The following LHFPL6 variants were observed in gnomAD, a reference collection of about 807,000 sequenced individuals.
LHFPL6 encodes LHFPL tetraspan subfamily member 6 protein.
Under a neutral mutation model 20.6 loss-of-function variants are expected in LHFPL6, and 9 were observed. The observed-to-expected ratio is 0.44, with a 90% CI of 0.26 to 0.76. The LOEUF (loss-of-function observed/expected upper bound fraction) is 0.76, where lower values mean the gene tolerates loss of function less well. LHFPL6 is among the 30% of genes least tolerant of loss of function. The pLI is 0.20. For synonymous variants in LHFPL6, 105 were observed against 98.7 expected (o/e 1.06, Z -0.38); for missense variants, 218 against 253.5 (o/e 0.86, Z 0.95).
rs556895748 is a variant in LHFPL6, at chr13:39,584,401, C to T, written c.385+16431G>A. Among the ~76,000 whole-genome samples the T allele has an allele frequency of 4.0e-5, 6 of 151,890 alleles. No individual in the cohort carries two copies. The South Asian group carries it at 1.3e-3, about 32-fold the overall frequency. ...AATTAGCTGGGCGTGGTGGCACATG[C>T]CTGTAATCCCAGCTACTCAGGAGGC... is the stretch of plus-strand genomic sequence containing the variant. On this transcript the variant is annotated intron_variant, in intron 2 of 3. Coordinates refer to ENST00000379589, the MANE Select transcript of LHFPL6 (RefSeq NM_005780.3).
chr13:39,547,301 G>C (rs1441364750), intron 2 of LHFPL6, among the ~76,000 whole-genome samples: 1 of 152,078 alleles, frequency 6.6e-6, no homozygotes, highest in Non-Finnish European at 1.5e-5. Flanking sequence ...CTGGTTGCCT[G>C]CTTCCTTATG....
intron 2 of LHFPL6, among the ~76,000 whole-genome samples, chr13:39,458,404 G>A (rs1443437089): frequency 6.6e-6 from 1 of 152,070 alleles, no homozygotes; most frequent in Non-Finnish European, 1.5e-5. Flanking sequence ...TGAGGTCAAT[G>A]AAAGCAAGCA....
chr13:39,463,445 T>C lies in LHFPL6; in HGVS notation c.386-84919A>G, dbSNP rs146932805. Among the ~76,000 whole-genome samples the C allele has an allele frequency of 4.1e-4, 63 of 152,356 alleles. No individual in the cohort carries two copies. The East Asian group carries it at 6.4e-3, about 15-fold the overall frequency. On this transcript the variant is annotated intron_variant, in intron 2 of 3. Transcript: ENST00000379589. ...CAGTGGTAGTCTTAGAAGAATAATA[T>C]TGATTATAAAACTATTCAGCATAAC...
intron 2 of LHFPL6, among the ~76,000 whole-genome samples, chr13:39,505,002 A>G (rs1927195): frequency 0.97 from 148,134 of 152,308 alleles, 72,162 homozygotes; most frequent in East Asian, 1. Flanking sequence ...TTTTTCCATC[A>G]ACTAGGAAAG....
chr13:39,553,136 T>C (rs1871191128), intron 2 of LHFPL6, among the ~76,000 whole-genome samples: 1 of 152,204 alleles, frequency 6.6e-6, no homozygotes, highest in Non-Finnish European at 1.5e-5. Context: ...ACATTTAAGC[T>C]AATATTAGAA....
At chr13:39,346,628 T>C (rs1458997962) in intron 3 of LHFPL6, among the ~76,000 whole-genome samples, 1 of 152,122 alleles carries the variant, frequency 6.6e-6, no homozygotes, top group East Asian at 1.9e-4. Flanking sequence ...AAACGCCCGA[T>C]CATCCCCCAG....
At chr13:39,430,445 T>G (rs868799280) in intron 2 of LHFPL6, among the ~76,000 whole-genome samples, 9 of 152,224 alleles carry the variant, frequency 5.9e-5, no homozygotes, top group Admixed American at 3.9e-4. Flanking sequence ...CTACTTCCTT[T>G]ACTCCTCACA....
intron 2 of LHFPL6, among the ~76,000 whole-genome samples, chr13:39,443,155 C>T (rs1195679997): frequency 9.2e-5 from 14 of 152,128 alleles, no homozygotes; most frequent in Admixed American, 6.5e-4. Context: ...AGCTAATTAA[C>T]ATGGGCATTG....
At chr13:39,465,401 A>G (rs751578280) in intron 2 of LHFPL6, among the ~76,000 whole-genome samples, 41 of 152,054 alleles carry the variant, frequency 2.7e-4, no homozygotes, top group Non-Finnish European at 7.4e-5. Flanking sequence ...TGTCTCTGTG[A>G]CCTCCAAATA....
chr13:39,506,736 G>A (rs1228823212), intron 2 of LHFPL6, among the ~76,000 whole-genome samples: 1 of 152,084 alleles, frequency 6.6e-6, no homozygotes, highest in Non-Finnish European at 1.5e-5. Flanking sequence ...GGGGGAAGGT[G>A]TGGAAAAATA....
At position 39,584,482 on chromosome 13, in the gene LHFPL6, G is replaced by A. The variant is rs189219636; in HGVS notation, c.385+16350C>T. Reference sequence around the variant, plus strand: ...GCGGAAGTTGCGGTGAGCTGAGAGCGCCATTGCACTCCAGCCTGGGCAACA... The same window carrying A: ...GCGGAAGTTGCGGTGAGCTGAGAGCACCATTGCACTCCAGCCTGGGCAACA... On this transcript the variant is annotated intron_variant, in intron 2 of 3. Transcript: ENST00000379589. Among the ~76,000 whole-genome samples the A allele has an allele frequency of 7.0e-3, 1,004 of 142,960 alleles. 12 individuals are homozygous for A. The highest frequency in any genetic ancestry group is 0.025 in the African/African-American group (938 of 37,858). The allele number at this position is 142,960 out of a possible 152,430, so 93.8% of individuals were successfully genotyped here.
intron 2 of LHFPL6, among the ~76,000 whole-genome samples, chr13:39,563,189 A>T (rs1445226283): frequency 6.6e-6 from 1 of 151,876 alleles, no homozygotes; most frequent in African/African-American, 2.4e-5. Context: ...ATGTCTTTTT[A>T]AAAAAATTAG....
intron 2 of LHFPL6, among the ~76,000 whole-genome samples, chr13:39,385,282 C>G (rs1301772218): frequency 6.6e-6 from 1 of 152,212 alleles, no homozygotes; most frequent in African/African-American, 2.4e-5. Flanking sequence ...TTTAATAATG[C>G]ATTGACTACT....
intron 3 of LHFPL6, among the ~76,000 whole-genome samples, chr13:39,362,172 G>C (rs551059637): frequency 6.6e-6 from 1 of 152,370 alleles, no homozygotes; most frequent in Non-Finnish European, 1.5e-5. Context: ...GAGGGGCCTG[G>C]TGGGAGGTGA....
intron 2 of LHFPL6, among the ~76,000 whole-genome samples, chr13:39,451,167 T>TTTGC (rs1467314427): frequency 5.8e-5 from 2 of 34,200 alleles, no homozygotes; most frequent in Admixed American, 2.9e-4. Context: ...TGAGATCCAT[T>TTTGC]TTGTTTGTTT....
chr13:39,367,350 C>T (rs1168181998), intron 3 of LHFPL6, among the ~76,000 whole-genome samples: 1 of 151,880 alleles, frequency 6.6e-6, no homozygotes, highest in Non-Finnish European at 1.5e-5. Context: ...AACATGTATC[C>T]CCTGAATCTA....
chr13:39,601,334 G>C lies in LHFPL6; in HGVS notation c.-118C>G, dbSNP rs1200757878. 2.0e-6 allele frequency: 2 copies of C among 1,010,990 alleles called. No homozygotes were observed. The highest frequency in any genetic ancestry group is 2.8e-6 in the Non-Finnish European group (2 of 716,796). The allele number at this position is 1,010,990 out of a possible 1,614,324, so 62.6% of individuals were successfully genotyped here. On this transcript the variant is annotated 5_prime_UTR_variant, in exon 2 of 4. The change creates a new upstream start codon in the 5' untranslated region. Transcript: ENST00000379589. The stretch of plus-strand genomic sequence containing the variant: ...ATCCACAGTTCCGTAATGCAGAATG[G>C]ATCTTCAGTCTTACTGGGCATCAAC...
chr13:39,429,225 A>G (rs914989704), intron 2 of LHFPL6, among the ~76,000 whole-genome samples: 5 of 151,934 alleles, frequency 3.3e-5, no homozygotes, highest in Non-Finnish European at 1.5e-5. Context: ...TCAAGAGAGG[A>G]ATATCAAAAT....
chr13:39,566,731 T>TAAA (rs3035077), intron 2 of LHFPL6, among the ~76,000 whole-genome samples: 2,571 of 70,080 alleles, frequency 0.037, 68 homozygotes, highest in Non-Finnish European at 0.045. Flanking sequence ...AGACCCTGTC[T>TAAA]AAAAAAAAAA....
Sources: allele counts gnomAD v4.1 joint callset (sites outside exome capture counted in the v4.1 genomes callset), GRCh38; gene constraint gnomAD v4.1.1; transcripts MANE v1.5; gene names NCBI Gene and HGNC (gene_info 2026-07-23, HGNC 2026-07-21).